Variants in PLG observed in about 807,000 individuals in gnomAD.
PLG encodes the protein plasmin.
A neutral mutation model predicts 104.4 loss-of-function variants in PLG; 41 were observed. The observed-to-expected ratio is 0.39, with a 90% CI of 0.31 to 0.51. The LOEUF is 0.51. PLG is among the 20% of genes least tolerant of loss of function. PLG has a pLI of 0.76. For missense variants in PLG, 891 were observed against 1,003.6 expected (o/e 0.89, Z 1.52); for synonymous variants, 337 against 357.1 (o/e 0.94, Z 0.63).
intron 17 of PLG, among the ~76,000 whole-genome samples, chr6:160,743,502 T>C (rs1296880771): frequency 1.3e-5 from 2 of 152,228 alleles, no homozygotes; most frequent in African/African-American, 4.8e-5. Flanking sequence ...TTTTTGTACA[T>C]TGATTTTATA....
rs1254156369 is a variant in PLG, at chr6:160,741,563, T to C, written c.2125+146T>C. The C allele has an allele frequency of 2.9e-6, 2 of 691,322 alleles. No homozygotes were observed. Among genetic ancestry groups the C allele is most frequent in the African/African-American group, 3.5e-5 (2 of 56,702 alleles). The allele number at this position is 691,322 out of a possible 1,614,324, so 42.8% of individuals were successfully genotyped here. A position where few individuals can be genotyped will look rare whatever the true frequency, so the allele number is the denominator to read the frequency against. Reference sequence around the variant, plus strand: ...CTGATTTTGCCTGGGCACCTGTCTATGTCTTAATCAGTCTTCAAGGCACAT... The same window carrying C: ...CTGATTTTGCCTGGGCACCTGTCTACGTCTTAATCAGTCTTCAAGGCACAT... On this transcript the variant is annotated intron_variant, in intron 17 of 18. Coordinates refer to ENST00000308192, the MANE Select transcript of PLG (RefSeq NM_000301.5). This position sits in a 1 kb window ranked among gnomAD's most constrained non-coding sequence, Gnocchi z 4.7.
At chr6:160,733,940 C>T in intron 12 of PLG, 55 bp from the exon 13 acceptor site, 1 of 892,372 alleles carries the variant, frequency 1.1e-6, no homozygotes, top group Non-Finnish European at 1.9e-6. Context: ...CTTGGAACAC[C>T]TTCTCCCTCT....
chr6:160,724,513 A>T lies in PLG; in HGVS notation c.1256+1946A>T, dbSNP rs980059448. 1.3e-5 allele frequency among the ~76,000 whole-genome samples: 2 copies of T among 152,148 alleles called. No homozygotes were observed. Among genetic ancestry groups the T allele is most frequent in the Non-Finnish European group, 2.9e-5 (2 of 68,016 alleles). On this transcript the variant is annotated intron_variant, in intron 10 of 18. Coordinates refer to ENST00000308192, the MANE Select transcript of PLG (RefSeq NM_000301.5). This position sits in a 1 kb window ranked among gnomAD's most constrained non-coding sequence, Gnocchi z 5.0. ...TTCATATATGTGTAAAGCAAGTCAC[A>T]AGAGAGGAAAGAGATATTGGGACAG...
chr6:160,735,952 T>G lies in PLG; in HGVS notation c.1682-935T>G, dbSNP rs1346897912. 6.6e-6 allele frequency among the ~76,000 whole-genome samples: 1 copy of G among 152,190 alleles called. No homozygotes were observed. Among genetic ancestry groups the G allele is most frequent in the Non-Finnish European group, 1.5e-5 (1 of 68,038 alleles). Reference sequence around the variant, plus strand: ...GAACAGCCCATGGCAAATGTAAAGTTATTTGGAAAACCCAGGTTCCAGATT... The same window carrying G: ...GAACAGCCCATGGCAAATGTAAAGTGATTTGGAAAACCCAGGTTCCAGATT... On this transcript the variant is annotated intron_variant, in intron 13 of 18. Coordinates refer to ENST00000308192, the MANE Select transcript of PLG (RefSeq NM_000301.5). This position sits in a 1 kb window ranked among gnomAD's most constrained non-coding sequence, Gnocchi z 5.4.
At chr6:160,704,235 TG>T (rs1451424069) in intron 1 of PLG, among the ~76,000 whole-genome samples, 3 of 152,038 alleles carry the variant, frequency 2.0e-5, no homozygotes, top group South Asian at 2.1e-4. Flanking sequence ...GAAGAAAAAA[TG>T]GGGGAAAATT....
At chr6:160,710,646 C>A (rs1181410728) in intron 3 of PLG, among the ~76,000 whole-genome samples, 1 of 152,194 alleles carries the variant, frequency 6.6e-6, no homozygotes, top group Non-Finnish European at 1.5e-5. Flanking sequence ...CTCTGAAAAG[C>A]CTGCCATTCC....
Position 160,737,891 on chromosome 6 carries a change from A to C in PLG, c.1803-647A>C, listed in dbSNP as rs1214561424. 6.6e-6 allele frequency among the ~76,000 whole-genome samples: 1 copy of C among 152,068 alleles called. No homozygotes were observed. The highest frequency in any genetic ancestry group is 2.4e-5 in the African/African-American group (1 of 41,416). ...CATATTTCAGATTCATTCTTTCCTAAACTATGTGGTGGTCTACGTCCTCAC... is the reference window on the plus strand; with the variant it reads ...CATATTTCAGATTCATTCTTTCCTACACTATGTGGTGGTCTACGTCCTCAC... On this transcript the variant is annotated intron_variant, in intron 14 of 18. Transcript: ENST00000308192. The surrounding 1 kb of genome is among the most constrained non-coding windows in gnomAD (Gnocchi z 4.7).
At chr6:160,727,397 C>T (rs1459777606) in intron 10 of PLG, among the ~76,000 whole-genome samples, 2 of 149,904 alleles carry the variant, frequency 1.3e-5, no homozygotes, top group East Asian at 2.0e-4. Context: ...CAATTCTTCA[C>T]GATCTGTTAC....
intron 2 of PLG, among the ~76,000 whole-genome samples, chr6:160,706,872 G>A (rs1777537649): frequency 6.6e-6 from 1 of 151,792 alleles, no homozygotes; most frequent in South Asian, 2.1e-4. Flanking sequence ...AGATAGATCT[G>A]AGCAATGACT....
intron 5 of PLG, among the ~76,000 whole-genome samples, chr6:160,713,703 G>C (rs1777683880): frequency 6.6e-6 from 1 of 152,116 alleles, no homozygotes; most frequent in Non-Finnish European, 1.5e-5. Context: ...CAATTAAATA[G>C]TTAAAATAAA....
At chr6:160,715,972 G>A (rs1562373944) in intron 6 of PLG, among the ~76,000 whole-genome samples, 1 of 152,210 alleles carries the variant, frequency 6.6e-6, no homozygotes. Flanking sequence ...TGGCCACTGG[G>A]CCCCACTGAG....
rs3057066 is a variant in PLG, at chr6:160,720,410, CTTTTTTTT to C, written c.1096+1592_1096+1599del. ...TCTTTTCTCTTTTTTCTTTTCTTTT[CTTTTTTTT>C]TTTTTTTTTTTTTTTTTTTGAGATG... On this transcript the variant is annotated intron_variant, in intron 9 of 18. Transcript: ENST00000308192. Among the ~76,000 whole-genome samples, 227 of 58,514 alleles carry C rather than the reference CTTTTTTTT, an allele frequency of 3.9e-3. 1 individual carries two copies. The highest frequency in any genetic ancestry group is 0.036 in the Middle Eastern group (2 of 56). The allele number at this position is 58,514 out of a possible 152,430, so 38.4% of individuals were successfully genotyped here.
In PLG at chr6:160,735,400, A is replaced by G. The variant is rs1279843474; in HGVS notation, c.1681+1312A>G. Among the ~76,000 whole-genome samples the G allele has an allele frequency of 2.0e-5, 3 of 152,172 alleles. No individual in the cohort carries two copies. Among genetic ancestry groups the G allele is most frequent in the South Asian group, 4.1e-4 (2 of 4,832 alleles). Reference sequence around the variant, plus strand: ...GAAGTGCAGTAGTTTCCCAGGTGCAATTCTGGTGTCCTCACCCACATTGAG... The same window carrying G: ...GAAGTGCAGTAGTTTCCCAGGTGCAGTTCTGGTGTCCTCACCCACATTGAG... On this transcript the variant is annotated intron_variant, in intron 13 of 18. Coordinates refer to ENST00000308192, the MANE Select transcript of PLG (RefSeq NM_000301.5). The surrounding 1 kb of genome is among the most constrained non-coding windows in gnomAD (Gnocchi z 5.4).
chr6:160,730,158 C>T (rs1010574044), intron 10 of PLG, among the ~76,000 whole-genome samples: 7 of 152,240 alleles, frequency 4.6e-5, no homozygotes, highest in African/African-American at 1.4e-4. Context: ...CCAAGATCCC[C>T]CCCAGCCCGG....
In PLG at chr6:160,750,724, C is replaced by T. The variant is rs552423445; in HGVS notation, c.2126-1391C>T. 3.9e-5 allele frequency among the ~76,000 whole-genome samples: 6 copies of T among 152,222 alleles called. No individual in the cohort carries two copies. The East Asian group carries it at 9.6e-4, about 24-fold the overall frequency. On this transcript the variant is annotated intron_variant, in intron 17 of 18. Transcript: ENST00000308192. ...CCCGAGACAATGATCTAAATGCAGT[C>T]GAAGGCTTTGGGGAAAGAGAGAGTG...
Position 160,738,686 on chromosome 6 carries a change from CTTTCCTTT to C in PLG, c.1877+75_1877+82del. On this transcript the variant is annotated intron_variant, in intron 15 of 18. Coordinates refer to ENST00000308192, the MANE Select transcript of PLG (RefSeq NM_000301.5). This position sits in a 1 kb window ranked among gnomAD's most constrained non-coding sequence, Gnocchi z 6.8. ...CTGTCCTTCTTTTCCTCCTTTCCTC[CTTTCCTTT>C]CTCACTCTTCCTCCCTTCCTTCTCT... The C allele has an allele frequency of 9.8e-7, 1 of 1,015,682 alleles. No individual in the cohort carries two copies. Among genetic ancestry groups the C allele is most frequent in the Non-Finnish European group, 1.6e-6 (1 of 635,390 alleles). The allele number at this position is 1,015,682 out of a possible 1,614,324, so 62.9% of individuals were successfully genotyped here.
At chr6:160,727,568 A>C (rs895083667) in intron 10 of PLG, among the ~76,000 whole-genome samples, 4 of 152,000 alleles carry the variant, frequency 2.6e-5, no homozygotes, top group South Asian at 4.1e-4. Context: ...AATCATTAAC[A>C]TGATGAATAT....
intron 10 of PLG, among the ~76,000 whole-genome samples, chr6:160,730,031 G>A (rs992670527): frequency 1.1e-4 from 16 of 152,246 alleles, no homozygotes; most frequent in African/African-American, 3.9e-4. Context: ...AGACAATGTT[G>A]CATTCCCATG....
chr6:160,745,364 ATCT>A (rs1338841082), intron 17 of PLG, among the ~76,000 whole-genome samples: 3 of 150,516 alleles, frequency 2.0e-5, no homozygotes, highest in African/African-American at 7.3e-5. Context: ...AGGATAGTAG[ATCT>A]TCTTTTTGAA....
Sources: allele counts gnomAD v4.1 joint callset (sites outside exome capture counted in the v4.1 genomes callset), GRCh38; gene constraint gnomAD v4.1.1; non-coding constraint Gnocchi (gnomAD v3.1); transcripts MANE v1.5; gene names NCBI Gene and HGNC (gene_info 2026-07-23, HGNC 2026-07-21).